Variants in ACVR1C observed in about 807,000 individuals in gnomAD.
ACVR1C encodes activin receptor type-1C.
In ACVR1C, 23 loss-of-function variants were observed where a neutral mutation model predicts 57.9. The ratio of observed to expected loss-of-function variants is 0.40; its 90% CI spans 0.29 to 0.56. The LOEUF (loss-of-function observed/expected upper bound fraction) is 0.56. Ranked by LOEUF, ACVR1C falls within the 20% of genes least tolerant of loss-of-function variation. The pLI is 0.50. For synonymous variants in ACVR1C, 214 were observed against 215.3 expected (o/e 0.99, Z 0.05); for missense variants, 480 against 607.9 (o/e 0.79, Z 2.21).
At chr2:157,549,009 T>C (rs1687841193) in intron 4 of ACVR1C, among the ~76,000 whole-genome samples, 1 of 152,182 alleles carries the variant, frequency 6.6e-6, no homozygotes, top group Admixed American at 6.5e-5. Flanking sequence ...TATGTCTGTA[T>C]TGGTTATTAA....
chr2:157,576,541 A>G (rs949657370), intron 2 of ACVR1C, among the ~76,000 whole-genome samples: 30 of 152,068 alleles, frequency 2.0e-4, no homozygotes, highest in African/African-American at 7.0e-4. Flanking sequence ...AAATAAGTCT[A>G]TCATTGTGCT....
At chr2:157,575,217 C>T (rs1688615124) in intron 2 of ACVR1C, among the ~76,000 whole-genome samples, 1 of 133,598 alleles carries the variant, frequency 7.5e-6, no homozygotes, top group Non-Finnish European at 1.7e-5. Flanking sequence ...CAACCTCCGC[C>T]TCCCGGGTTC....
At chr2:157,581,678 T>C (rs890049106) in intron 2 of ACVR1C, among the ~76,000 whole-genome samples, 2 of 152,312 alleles carry the variant, frequency 1.3e-5, no homozygotes, top group African/African-American at 2.4e-5. Flanking sequence ...GGGTGACTGA[T>C]GAAAGAGCCA....
chr2:157,544,389 T>G, intron 5 of ACVR1C, 56 bp downstream of exon 5: 1 of 1,464,674 alleles, frequency 6.8e-7, no homozygotes, highest in Non-Finnish European at 9.2e-7. Context: ...AAAATATAAC[T>G]AAGTACCTCT....
intron 3 of ACVR1C, among the ~76,000 whole-genome samples, chr2:157,555,481 G>A (rs1688078180): frequency 6.6e-6 from 1 of 152,194 alleles, no homozygotes; most frequent in African/African-American, 2.4e-5. Flanking sequence ...AGTCATGTAT[G>A]TAACCACAGC....
At chr2:157,572,051 T>G in intron 2 of ACVR1C, among the ~76,000 whole-genome samples, 1 of 26,872 alleles carries the variant, frequency 3.7e-5, no homozygotes. Flanking sequence ...AAATGATGAG[T>G]TCATGTCCTT....
At chr2:157,564,883 C>T (rs1688323235) in intron 2 of ACVR1C, among the ~76,000 whole-genome samples, 1 of 152,076 alleles carries the variant, frequency 6.6e-6, no homozygotes, top group African/African-American at 2.4e-5. Flanking sequence ...CATATTCTCA[C>T]TTATTAAGTG....
In ACVR1C at chr2:157,538,662, G is replaced by A. The variant is rs1687544784; in HGVS notation, c.1267C>T (p.Pro423Ser). The A allele has an allele frequency of 6.4e-7, 1 of 1,566,584 alleles. No individual in the cohort carries two copies. Among genetic ancestry groups the A allele is most frequent in the Admixed American group, 1.9e-5 (1 of 54,000 alleles). The change falls in exon 8 of 9, where the codon CCT becomes TCT. Residue 423 changes from proline (P) to serine (S), a missense_variant. Coordinates refer to ENST00000243349, the MANE Select transcript of ACVR1C (RefSeq NM_145259.3). ...EYQLPYYDMVPSDPSIEEMRK... is the reference protein window; with the variant it reads ...EYQLPYYDMVSSDPSIEEMRK... Reference sequence around the variant, plus strand: ...ATTTCCTCTATCGAGGGATCTGAAGGCACCATGTCATAATAAGGCAATTGG... The same window carrying A: ...ATTTCCTCTATCGAGGGATCTGAAGACACCATGTCATAATAAGGCAATTGG...
intron 4 of ACVR1C, among the ~76,000 whole-genome samples, chr2:157,544,933 C>A (rs1164141427): frequency 6.6e-6 from 1 of 152,100 alleles, no homozygotes. Context: ...TAGGAGAAAC[C>A]ACTGAGAGAT....
chr2:157,554,221 AAG>A (rs1209038612), intron 3 of ACVR1C, among the ~76,000 whole-genome samples: 1 of 112,778 alleles, frequency 8.9e-6, no homozygotes, highest in African/African-American at 4.3e-5. Flanking sequence ...GAAAGAAAGA[AAG>A]AAAGAAAGAA....
rs1289607246 is a variant in ACVR1C, at chr2:157,541,079, C to T, written c.1225+11G>A. The T allele has an allele frequency of 1.2e-6, 2 of 1,608,504 alleles. No homozygotes were observed. The highest frequency in any genetic ancestry group is 1.7e-6 in the Non-Finnish European group (2 of 1,178,468). On this transcript the variant is annotated intron_variant, in intron 7 of 8. Transcript: ENST00000243349. The stretch of plus-strand genomic sequence containing the variant: ...GAAAGGCAAACACAAAGGATATTTC[C>T]AAAATTTTACCTCCGACTGAACACC...
At chr2:157,535,040 G>A (rs920804557) in intron 8 of ACVR1C, among the ~76,000 whole-genome samples, 20 of 151,712 alleles carry the variant, frequency 1.3e-4, no homozygotes, top group Non-Finnish European at 2.1e-4. Flanking sequence ...AGCTATGCAG[G>A]AGGCTGAGGT....
chr2:157,552,569 C>A (rs1687948155), intron 3 of ACVR1C, among the ~76,000 whole-genome samples: 1 of 152,224 alleles, frequency 6.6e-6, no homozygotes. Context: ...CACATACATA[C>A]ATGCACACTC....
At chr2:157,557,972 C>T (rs954790737) in intron 2 of ACVR1C, among the ~76,000 whole-genome samples, 1 of 152,110 alleles carries the variant, frequency 6.6e-6, no homozygotes, top group South Asian at 2.1e-4. Context: ...TAAAGATAGC[C>T]TCTGCATCAA....
At chr2:157,588,332 C>T (rs6743822) in intron 1 of ACVR1C, among the ~76,000 whole-genome samples, 42,164 of 151,626 alleles carry the variant, frequency 0.28, 6,160 homozygotes, top group Non-Finnish European at 0.32. Context: ...GTAAAACATT[C>T]GTCAGCATGA....
chr2:157,544,707 A>C, intron 4 of ACVR1C, 95 bp from the exon 5 acceptor site: 2 of 1,081,900 alleles, frequency 1.8e-6, no homozygotes, highest in Non-Finnish European at 2.6e-6. Flanking sequence ...TATTGTTAAC[A>C]AAGCAAAGTT....
At chr2:157,575,017 A>G (rs1040872565) in intron 2 of ACVR1C, among the ~76,000 whole-genome samples, 3 of 152,114 alleles carry the variant, frequency 2.0e-5, no homozygotes, top group Non-Finnish European at 4.4e-5. Context: ...GCTAGAGTAT[A>G]TTGGTGCAAT....
chr2:157,531,361 T>C lies in ACVR1C; in HGVS notation c.*2557A>G, dbSNP rs1208195766. ...TATAAGACTACTCAGTTAGGAGTCA[T>C]AGTTAAACAACACAAGAACAAGAAA... On this transcript the variant is annotated 3_prime_UTR_variant, in exon 9 of 9. Coordinates refer to ENST00000243349, the MANE Select transcript of ACVR1C (RefSeq NM_145259.3). 1 of 152,070 alleles carries C rather than the reference T, an allele frequency of 6.6e-6. No individual in the cohort carries two copies. Among genetic ancestry groups the C allele is most frequent in the Admixed American group, 6.6e-5 (1 of 15,236 alleles). The allele number at this position is 152,070 out of a possible 1,614,324, so 9.4% of individuals were successfully genotyped here. A position where few individuals can be genotyped will look rare whatever the true frequency, so the allele number is the denominator to read the frequency against.
intron 2 of ACVR1C, among the ~76,000 whole-genome samples, chr2:157,586,162 A>C (rs1463123926): frequency 6.6e-6 from 1 of 152,118 alleles, no homozygotes; most frequent in Non-Finnish European, 1.5e-5. Flanking sequence ...CCTAACTGAA[A>C]TGCAGGAGCA....
Sources: gnomAD v4.1 joint callset for allele counts (sites outside exome capture counted in the v4.1 genomes callset) on GRCh38, gnomAD v4.1.1 for gene constraint, MANE v1.5 for transcripts, NCBI Gene and HGNC (gene_info 2026-07-23, HGNC 2026-07-21) for gene names.